Variants in CCDC33 observed in about 807,000 individuals in gnomAD.
The protein encoded by CCDC33 is coiled-coil domain containing 33.
In CCDC33, 94 loss-of-function variants were observed where a neutral mutation model predicts 91.9. The ratio of observed to expected loss-of-function variants is 1.02; its 90% CI spans 0.87 to 1.21. The LOEUF (loss-of-function observed/expected upper bound fraction) is 1.21, where lower values mean the gene tolerates loss of function less well. Ranked by LOEUF, CCDC33 falls within the 50% of genes most tolerant of loss-of-function variation. The pLI is 0.00. For synonymous variants in CCDC33, 396 were observed against 374.5 expected (o/e 1.06, Z -0.66); for missense variants, 940 against 935.5 (o/e 1.00, Z -0.06).
upstream of CCDC33, among the ~76,000 whole-genome samples, chr15:74,235,430 G>A (rs2075120667): frequency 1.3e-5 from 2 of 152,198 alleles, no homozygotes; most frequent in Admixed American, 6.5e-5. Flanking sequence ...TCTTCGGCCA[G>A]ATTAAAAGAA....
At chr15:74,314,340 A>G (rs1213159239) in intron 11 of CCDC33, among the ~76,000 whole-genome samples, 1 of 152,236 alleles carries the variant, frequency 6.6e-6, no homozygotes, top group Non-Finnish European at 1.5e-5. Flanking sequence ...TGGGCCTGCC[A>G]AAGAGTATAT....
upstream of CCDC33, among the ~76,000 whole-genome samples, chr15:74,215,850 A>G (rs1242659064): frequency 6.7e-6 from 1 of 150,218 alleles, no homozygotes; most frequent in Non-Finnish European, 1.5e-5. Flanking sequence ...CAGCCTGGGC[A>G]ACAAGAGCAA....
chr15:74,309,279 G>C (rs1263116153), intron 11 of CCDC33, among the ~76,000 whole-genome samples: 4 of 152,168 alleles, frequency 2.6e-5, no homozygotes, highest in Non-Finnish European at 4.4e-5. Context: ...AATGGCAGTG[G>C]TGCCTCCTCC....
At chr15:74,267,831 G>A (rs572065945) in intron 4 of CCDC33, among the ~76,000 whole-genome samples, 1 of 152,250 alleles carries the variant, frequency 6.6e-6, no homozygotes, top group South Asian at 2.1e-4. Context: ...GCTCAGTTTG[G>A]TCAGTTACCC....
intron 11 of CCDC33, chr15:74,318,464 A>G (rs2060137574): frequency 5.3e-6 from 3 of 561,048 alleles, no homozygotes; most frequent in Non-Finnish European, 9.5e-6. Flanking sequence ...CCTGGAACAA[A>G]GGGGAAGTGG....
At chr15:74,258,849 C>A (rs2075948293) in intron 2 of CCDC33, among the ~76,000 whole-genome samples, 1 of 152,160 alleles carries the variant, frequency 6.6e-6, no homozygotes, top group Admixed American at 6.5e-5. Flanking sequence ...AGAAGGAAAG[C>A]AAAGTCCTTG....
At chr15:74,329,037 T>A (rs542021685) in intron 11 of CCDC33, among the ~76,000 whole-genome samples, 1 of 152,356 alleles carries the variant, frequency 6.6e-6, no homozygotes, top group South Asian at 2.1e-4. Flanking sequence ...ATGGTGCCAC[T>A]GCACGATCCT....
At chr15:74,233,388 C>A (rs933636499), upstream of CCDC33, among the ~76,000 whole-genome samples, 3 of 152,224 alleles carry the variant, frequency 2.0e-5, no homozygotes, top group Non-Finnish European at 2.9e-5. Flanking sequence ...CACTTGTTGG[C>A]TGAAGGATGG....
chr15:74,300,225 C>T (rs915575189), intron 11 of CCDC33: 7 of 152,246 alleles, frequency 4.6e-5, no homozygotes, highest in Admixed American at 1.3e-4. Flanking sequence ...CGAACGTGGC[C>T]GCGGAGCAGT....
chr15:74,253,692 G>T (rs914201640), intron 2 of CCDC33, among the ~76,000 whole-genome samples: 9 of 151,984 alleles, frequency 5.9e-5, no homozygotes, highest in African/African-American at 2.2e-4. Flanking sequence ...ATGTCTTCAG[G>T]GCCAATCTAC....
At position 74,286,022 on chromosome 15, in the gene CCDC33, C is replaced by T. The variant is rs80176384; in HGVS notation, c.1095+4173C>T. Among the ~76,000 whole-genome samples, 692 of 152,132 alleles carry T rather than the reference C, an allele frequency of 4.5e-3. 8 individuals carry two copies. Among genetic ancestry groups the T allele is most frequent in the African/African-American group, 0.015 (637 of 41,490 alleles). On this transcript the variant is annotated intron_variant, in intron 10 of 18. Coordinates refer to ENST00000398814, the MANE Select transcript of CCDC33 (RefSeq NM_025055.5). ...CAAGACTTTAGGAGTCTGAGGCGGG[C>T]GGATCATGAGGTCAGGAATTCAAGA...
intron 2 of CCDC33, among the ~76,000 whole-genome samples, chr15:74,225,523 A>C (rs2074766252): frequency 6.6e-6 from 1 of 150,388 alleles, no homozygotes; most frequent in Non-Finnish European, 1.5e-5. Context: ...ACATGCAGAG[A>C]CCCCCCTACC....
chr15:74,207,980 AG>A (rs1381050816), intron 1 of CCDC33: 1 of 1,421,620 alleles, frequency 7.0e-7, no homozygotes, highest in African/African-American at 1.4e-5. Flanking sequence ...GCCATGTGGG[AG>A]GGTCAGAAGC....
chr15:74,271,344 ACCCCT>A (rs1444424706), intron 5 of CCDC33, among the ~76,000 whole-genome samples: 3 of 151,858 alleles, frequency 2.0e-5, no homozygotes, highest in Admixed American at 1.3e-4. Flanking sequence ...CCCTAGCCCA[ACCCCT>A]CCCCAGGAGC....
intron 10 of CCDC33, among the ~76,000 whole-genome samples, chr15:74,287,711 A>G (rs1367367947): frequency 6.6e-6 from 1 of 152,182 alleles, no homozygotes; most frequent in African/African-American, 2.4e-5. Context: ...AATCCCAGCT[A>G]CTGGGAGGCG....
chr15:74,271,585 G>A (rs892722640), intron 5 of CCDC33, 118 bp from the exon 6 acceptor site: 4 of 691,170 alleles, frequency 5.8e-6, no homozygotes, highest in East Asian at 5.5e-5. Context: ...GGTGTCAAGT[G>A]TGGAGGCAGC....
chr15:74,286,447 C>T (rs1363097959), intron 10 of CCDC33, among the ~76,000 whole-genome samples: 1 of 152,070 alleles, frequency 6.6e-6, no homozygotes, highest in East Asian at 1.9e-4. Context: ...TTCGAGATCC[C>T]ACAGCATCCT....
intron 11 of CCDC33, among the ~76,000 whole-genome samples, chr15:74,314,760 G>C (rs1225463502): frequency 6.6e-6 from 1 of 152,236 alleles, no homozygotes. Flanking sequence ...CCTGCCAGGA[G>C]AGAGTTTTAG....
At chr15:74,268,487 TGGTGGG>T (rs1484432005) in intron 5 of CCDC33, 29 bp downstream of exon 5, 7 of 1,230,890 alleles carry the variant, frequency 5.7e-6, no homozygotes, top group Non-Finnish European at 6.9e-6. Context: ...TCTGGGGTGG[TGGTGGG>T]GGTGGGAAAG....
Sources: allele counts gnomAD v4.1 joint callset (sites outside exome capture counted in the v4.1 genomes callset), GRCh38; gene constraint gnomAD v4.1.1; transcripts MANE v1.5; gene names NCBI Gene and HGNC (gene_info 2026-07-23, HGNC 2026-07-21).